The following CALCOCO2 variants were observed in gnomAD, a reference collection of about 807,000 sequenced individuals.
CALCOCO2 encodes the protein calcium-binding and coiled-coil domain-containing protein 2.
A neutral mutation model predicts 62.5 loss-of-function variants in CALCOCO2; 42 were observed. That is an observed-to-expected ratio of 0.67 (90% CI 0.53 to 0.87). The LOEUF (loss-of-function observed/expected upper bound fraction) is 0.87. CALCOCO2 is among the 40% of genes least tolerant of loss of function. The probability of loss-of-function intolerance (pLI) is 0.00; values close to 1 mark genes in which losing one functional copy is unlikely to be tolerated. For synonymous variants in CALCOCO2, 167 were observed against 173.0 expected, an observed-to-expected ratio of 0.97 and a Z score of 0.27; for missense variants, 456 against 515.0, an observed-to-expected ratio of 0.89 and a Z score of 1.11.
At position 48,861,661 on chromosome 17, in the gene CALCOCO2, G is replaced by GTATATATATATATA. The variant is rs59973644; in HGVS notation, c.1145-612_1145-599dup. Among the ~76,000 whole-genome samples the GTATATATATATATA allele has an allele frequency of 2.9e-4, 39 of 135,140 alleles. No individual in the cohort carries two copies. In the East Asian group the frequency reaches 3.8e-3, roughly 13 times the overall value. 88.7% of individuals were successfully genotyped at this position (135,140 alleles called of 152,430 possible). ...TATGTATATATATATATGTGTGTGT[G>GTATATATATATATA]TATATATATATATATAAAGCCTGTG... On this transcript the variant is annotated intron_variant, in intron 11 of 12. Transcript: ENST00000258947.
chr17:48,856,649 A>C (rs753352497), intron 10 of CALCOCO2: 27 of 444,394 alleles, frequency 6.1e-5, no homozygotes, highest in South Asian at 1.9e-4. Flanking sequence ...GCATTCATTC[A>C]TTCATTCATT....
chr17:48,850,373 C>T (rs1211104745), intron 5 of CALCOCO2, among the ~76,000 whole-genome samples: 1 of 152,166 alleles, frequency 6.6e-6, no homozygotes. Context: ...AAGATAATTG[C>T]TTGAACCCGG....
At chr17:48,852,312 G>A in intron 7 of CALCOCO2, 194 bp from the exon 8 acceptor site, 1 of 539,532 alleles carries the variant, frequency 1.9e-6, no homozygotes, top group Non-Finnish European at 3.4e-6. Context: ...AGAGCAGATA[G>A]CAGAACTGCT....
chr17:48,850,813 GA>G (rs1325161554), intron 5 of CALCOCO2, among the ~76,000 whole-genome samples: 1 of 151,896 alleles, frequency 6.6e-6, no homozygotes, highest in Non-Finnish European at 1.5e-5. Context: ...AGCACTTTGG[GA>G]GGCTGAGGCA....
At chr17:48,839,780 A>G (rs1159996191) in intron 1 of CALCOCO2, among the ~76,000 whole-genome samples, 1 of 142,532 alleles carries the variant, frequency 7.0e-6, no homozygotes, top group African/African-American at 2.6e-5. Flanking sequence ...GGTTCAAGCA[A>G]TTTTCCTGCC....
chr17:48,851,209 G>C, intron 6 of CALCOCO2, 32 bp downstream of exon 6: 1 of 1,255,382 alleles, frequency 8.0e-7, no homozygotes, highest in Non-Finnish European at 1.2e-6. Context: ...GGGAGGGGAA[G>C]AGCTGCTGTA....
At chr17:48,862,517 A>G (rs1198882385) in intron 12 of CALCOCO2, among the ~76,000 whole-genome samples, 1 of 152,170 alleles carries the variant, frequency 6.6e-6, no homozygotes, top group Non-Finnish European at 1.5e-5. Context: ...TAGGATCTAT[A>G]CCTTTGAATT....
Position 48,849,282 on chromosome 17 carries a change from A to G in CALCOCO2, c.448A>G (p.Lys150Glu), listed in dbSNP as rs774261653. The change falls in exon 5 of 13, where the codon AAG becomes GAG. Residue 150 changes from lysine to glutamate, a missense_variant. This residue lies in a region of CALCOCO2 where 236 missense variants were observed against 225.3 expected (regional missense o/e 1.05). Transcript: ENST00000258947. ...GEVEEIEQHN[K>E]ELCKENQELK... Reference sequence around the variant, plus strand: ...GGTGGAAGAGATTGAGCAGCACAACAAGGAGCTTTGCAAAGAAAACCAGGA... The same window carrying G: ...GGTGGAAGAGATTGAGCAGCACAACGAGGAGCTTTGCAAAGAAAACCAGGA... The G allele has an allele frequency of 9.9e-5, 160 of 1,613,688 alleles. No individual in the cohort carries two copies. Among genetic ancestry groups the G allele is most frequent in the Non-Finnish European group, 7.3e-5 (86 of 1,179,736 alleles).
At chr17:48,832,880 C>T (rs1448584309) in intron 1 of CALCOCO2, among the ~76,000 whole-genome samples, 1 of 152,130 alleles carries the variant, frequency 6.6e-6, no homozygotes, top group African/African-American at 2.4e-5. Context: ...CTGGCGCCAG[C>T]ACTATGGTGG....
chr17:48,849,509 T>G, intron 5 of CALCOCO2, 132 bp downstream of exon 5: 1 of 755,874 alleles, frequency 1.3e-6, no homozygotes, highest in Non-Finnish European at 2.2e-6. Flanking sequence ...AGGCATTAGT[T>G]TTGTTTGTTT....
Position 48,864,466 on chromosome 17 carries a change from A to G in CALCOCO2, c.*1461A>G, listed in dbSNP as rs1441657638. On this transcript the variant is annotated 3_prime_UTR_variant, in exon 13 of 13. Coordinates refer to ENST00000258947, the MANE Select transcript of CALCOCO2 (RefSeq NM_005831.5). ...AACTAAGTTCAATGCGCTCTATCCA[A>G]ATTTGCCTAATTGAACTATAAGAAA... 6.5e-6 allele frequency: 1 copy of G among 154,116 alleles called. No homozygotes were observed. The highest frequency in any genetic ancestry group is 1.5e-5 in the Non-Finnish European group (1 of 68,214). The allele number at this position is 154,116 out of a possible 1,614,324, so 9.5% of individuals were successfully genotyped here.
chr17:48,848,232 T>C, intron 3 of CALCOCO2, 66 bp downstream of exon 3: 1 of 1,524,326 alleles, frequency 6.6e-7, no homozygotes, highest in Admixed American at 1.7e-5. Flanking sequence ...CCCTTCAGCT[T>C]GAGCTTTCTG....
chr17:48,838,742 A>C (rs1160667189), intron 1 of CALCOCO2, among the ~76,000 whole-genome samples: 7 of 151,978 alleles, frequency 4.6e-5, no homozygotes, highest in Admixed American at 3.3e-4. Flanking sequence ...TAACAATTAC[A>C]TGTGTGCCTG....
Position 48,857,497 on chromosome 17 carries a change from C to CTTTTTTTTTT in CALCOCO2, c.1008+1324_1008+1333dup, listed in dbSNP as rs59318856. Among the ~76,000 whole-genome samples, 383 of 38,424 alleles carry CTTTTTTTTTT rather than the reference C, an allele frequency of 1.0e-2. 68 individuals carry two copies. Among genetic ancestry groups the CTTTTTTTTTT allele is most frequent in the Middle Eastern group, 0.059 (2 of 34 alleles). The allele number at this position is 38,424 out of a possible 152,430, so 25.2% of individuals were successfully genotyped here. ...CAGGCGTGAGCCACTGCACCCGGCC[C>CTTTTTTTTTT]TTTTTTTTTTTTTTTTTTTTTTTGA... On this transcript the variant is annotated intron_variant, in intron 10 of 12. Coordinates refer to ENST00000258947, the MANE Select transcript of CALCOCO2 (RefSeq NM_005831.5).
intron 1 of CALCOCO2, among the ~76,000 whole-genome samples, chr17:48,834,521 G>A (rs896942937): frequency 7.2e-5 from 11 of 152,288 alleles, no homozygotes; most frequent in African/African-American, 2.4e-4. Context: ...TGATTTGAGG[G>A]TTGGAATAAG....
chr17:48,833,991 A>T (rs12450440), intron 1 of CALCOCO2, among the ~76,000 whole-genome samples: 16,301 of 151,384 alleles, frequency 0.11, 1,518 homozygotes, highest in African/African-American at 0.26. Context: ...AGCCAGGCAC[A>T]TGCCTAGGGT....
chr17:48,858,058 A>G lies in CALCOCO2; in HGVS notation c.1008+1871A>G, dbSNP rs565687212. ...AGAATAGAATAGAAAATAGAATAGA[A>G]TAGAATAGAATAGAATTTTACCATC... On this transcript the variant is annotated intron_variant, in intron 10 of 12. Coordinates refer to ENST00000258947, the MANE Select transcript of CALCOCO2 (RefSeq NM_005831.5). Among the ~76,000 whole-genome samples, 43 of 143,332 alleles carry G rather than the reference A, an allele frequency of 3.0e-4. 1 individual carries two copies. Among genetic ancestry groups the G allele is most frequent in the Admixed American group, 1.1e-3 (16 of 14,194 alleles). The allele number at this position is 143,332 out of a possible 152,430, so 94.0% of individuals were successfully genotyped here.
intron 4 of CALCOCO2, among the ~76,000 whole-genome samples, chr17:48,849,012 A>T (rs2040090917): frequency 6.6e-6 from 1 of 152,216 alleles, no homozygotes; most frequent in Admixed American, 6.5e-5. Context: ...CTACATTCTT[A>T]TATCATTGTT....
rs1598034180 is a variant in CALCOCO2 at position 48,847,919 on chromosome 17, T to C, written c.181-145T>C. The C allele has an allele frequency of 5.1e-6, 3 of 582,784 alleles. No homozygotes were observed. The East Asian group carries it at 8.9e-5, about 17-fold the overall frequency. 36.1% of individuals were successfully genotyped at this position (582,784 alleles called of 1,614,324 possible). ...ATCCACCCACCTTGGCCTCCCAAAGTGCTAGGATTACAGGCATGAGCCACT... is the reference window on the plus strand; with the variant it reads ...ATCCACCCACCTTGGCCTCCCAAAGCGCTAGGATTACAGGCATGAGCCACT... On this transcript the variant is annotated intron_variant, in intron 2 of 12. Coordinates refer to ENST00000258947, the MANE Select transcript of CALCOCO2 (RefSeq NM_005831.5).
Sources: allele counts gnomAD v4.1 joint callset (sites outside exome capture counted in the v4.1 genomes callset), GRCh38; gene constraint gnomAD v4.1.1; regional missense constraint gnomAD v4.1.1; transcripts MANE v1.5; gene names NCBI Gene and HGNC (gene_info 2026-07-23, HGNC 2026-07-21).